Variants in UTRN observed in about 807,000 individuals in gnomAD.
UTRN encodes the protein dystrophin-related protein 1.
Under a neutral mutation model 463.9 loss-of-function variants are expected in UTRN, and 283 were observed. The ratio of observed to expected loss-of-function variants is 0.61; its 90% CI spans 0.55 to 0.67. UTRN has a LOEUF of 0.67. Among genes scored for constraint, UTRN ranks in the 30% least tolerant of loss-of-function variants. The probability of loss-of-function intolerance (pLI) is 0.00; values close to 1 mark genes in which losing one functional copy is unlikely to be tolerated. For missense variants in UTRN, 3,922 were observed against 4,084.3 expected (o/e 0.96, Z 1.08); for synonymous variants, 1,442 against 1,431.5 (o/e 1.01, Z -0.17).
In UTRN at chr6:144,482,411, G is replaced by GTTGTTATTATTATTA. The variant is rs780469923; in HGVS notation, c.3687+25_3687+26insGTTATTATTATTATT. On this transcript the variant is annotated intron_variant, in intron 27 of 74. Transcript: ENST00000367545. The stretch of plus-strand genomic sequence containing the variant: ...GAGGTATGCTATTATTATTATTGTT[G>GTTGTTATTATTATTA]TTATTATTATTATTATTATTATTAT... 307 of 1,002,602 alleles carry GTTGTTATTATTATTA rather than the reference G, an allele frequency of 3.1e-4. 1 individual carries two copies. The African/African-American group carries it at 5.4e-3, about 18-fold the overall frequency. The allele number at this position is 1,002,602 out of a possible 1,614,324, so 62.1% of individuals were successfully genotyped here. A position where few individuals can be genotyped will look rare whatever the true frequency, so the allele number is the denominator to read the frequency against.
intron 62 of UTRN, 62 bp from the exon 63 acceptor site, chr6:144,793,772 T>C: frequency 1.3e-6 from 2 of 1,565,742 alleles, no homozygotes; most frequent in Non-Finnish European, 8.7e-7. Context: ...TTACCAAAGA[T>C]ATATTTTAAG....
intron 53 of UTRN, chr6:144,708,292 T>C: frequency 1.5e-6 from 1 of 664,922 alleles, no homozygotes; most frequent in Non-Finnish European, 2.9e-6. Flanking sequence ...AAGTACTGAT[T>C]CTTTTACAAG....
intron 50 of UTRN, among the ~76,000 whole-genome samples, chr6:144,565,018 G>A (rs879229294): frequency 2.0e-5 from 3 of 152,176 alleles, no homozygotes; most frequent in Admixed American, 6.5e-5. Context: ...GAATAATTGC[G>A]AAGATCAGAA....
chr6:144,398,631 T>A (rs9496952), intron 2 of UTRN: 7,962 of 162,536 alleles, frequency 0.049, 674 homozygotes, highest in African/African-American at 0.18. Context: ...GAACAGCTTG[T>A]GAGAGCATGA....
At chr6:144,591,199 G>T (rs1238225507) in intron 51 of UTRN, among the ~76,000 whole-genome samples, 1 of 152,156 alleles carries the variant, frequency 6.6e-6, no homozygotes, top group Non-Finnish European at 1.5e-5. Context: ...TTTTTCCAAA[G>T]GATTCATGCC....
chr6:144,345,194 G>A (rs549212792), intron 2 of UTRN, among the ~76,000 whole-genome samples: 1 of 152,124 alleles, frequency 6.6e-6, no homozygotes, highest in Non-Finnish European at 1.5e-5. Context: ...TTGTAGCGTT[G>A]TCTCTGCAGA....
intron 2 of UTRN, among the ~76,000 whole-genome samples, chr6:144,374,911 A>C (rs1330740301): frequency 1.4e-5 from 2 of 147,760 alleles, no homozygotes; most frequent in African/African-American, 5.0e-5. Flanking sequence ...GTGCCTCTGC[A>C]CTCCAGCCTG....
rs1482152438 is a variant in UTRN, at chr6:144,820,926, G to T, written c.9402G>T (p.Lys3134Asn). 1 of 1,613,852 alleles carries T rather than the reference G, an allele frequency of 6.2e-7. No homozygotes were observed. Among genetic ancestry groups the T allele is most frequent in the Non-Finnish European group, 8.5e-7 (1 of 1,179,828 alleles). Residue 3134 changes from lysine (K) to asparagine (N), a missense_variant, in exon 66 of 75, where the codon AAG (lysine) becomes AAT (asparagine). Around this residue, in one of 3 missense-constraint regions of UTRN, gnomAD observed 1,309 missense variants for 1,452.6 expected, o/e 0.90. Coordinates refer to ENST00000367545, the MANE Select transcript of UTRN (RefSeq NM_007124.3). ...EDVRDFTKVL[K>N]NKFRSKKYFA... ...TACGAGACTTCACAAAGGTACTTAA[G>T]AACAAGTTCAGGTCGAAGAAGTACT...
intron 52 of UTRN, among the ~76,000 whole-genome samples, chr6:144,683,378 G>A (rs1317523645): frequency 6.6e-6 from 1 of 152,132 alleles, no homozygotes; most frequent in Non-Finnish European, 1.5e-5. Flanking sequence ...TTTCAGGGGT[G>A]GAGAAGAGAC....
intron 54 of UTRN, among the ~76,000 whole-genome samples, chr6:144,739,829 C>T (rs930381107): frequency 1.3e-5 from 2 of 152,054 alleles, no homozygotes; most frequent in African/African-American, 4.8e-5. Flanking sequence ...TGACTTGGCC[C>T]GAGTAACATG....
chr6:144,844,425 C>T (rs1190642340), intron 73 of UTRN, among the ~76,000 whole-genome samples: 4 of 152,166 alleles, frequency 2.6e-5, no homozygotes, highest in East Asian at 1.9e-4. Context: ...CATGCCACCA[C>T]GCCCAACTAA....
chr6:144,321,827 G>A (rs573524671), intron 2 of UTRN, among the ~76,000 whole-genome samples: 16 of 149,866 alleles, frequency 1.1e-4, no homozygotes, highest in Non-Finnish European at 1.8e-4. Flanking sequence ...GTATAGTGGC[G>A]TGATCTCCAC....
At chr6:144,747,360 G>A (rs561637595) in intron 54 of UTRN, among the ~76,000 whole-genome samples, 1 of 152,328 alleles carries the variant, frequency 6.6e-6, no homozygotes, top group Non-Finnish European at 1.5e-5. Flanking sequence ...GGCCCCAGGA[G>A]TGTGGAGCCA....
chr6:144,712,504 C>T (rs1178772379), intron 53 of UTRN, among the ~76,000 whole-genome samples: 2 of 152,196 alleles, frequency 1.3e-5, no homozygotes, highest in African/African-American at 4.8e-5. Flanking sequence ...TTTACTGCCT[C>T]TGCACATATT....
At chr6:144,374,598 C>G (rs184820954) in intron 2 of UTRN, among the ~76,000 whole-genome samples, 1 of 151,656 alleles carries the variant, frequency 6.6e-6, no homozygotes, top group Non-Finnish European at 1.5e-5. Flanking sequence ...ATTCTCTTGC[C>G]TCAGCTCCCA....
chr6:144,637,425 CTATA>C (rs1777295443), intron 51 of UTRN, among the ~76,000 whole-genome samples: 2 of 151,176 alleles, frequency 1.3e-5, no homozygotes, highest in Admixed American at 1.3e-4. Context: ...TTAATATAAA[CTATA>C]TATAAATCTA....
chr6:144,699,843 A>G (rs1303234314), intron 52 of UTRN, among the ~76,000 whole-genome samples: 1 of 148,814 alleles, frequency 6.7e-6, no homozygotes, highest in Non-Finnish European at 1.5e-5. Context: ...GTGTGTATAC[A>G]TATGTATAAA....
intron 2 of UTRN, among the ~76,000 whole-genome samples, chr6:144,401,854 A>C (rs1782963089): frequency 6.6e-6 from 1 of 152,120 alleles, no homozygotes; most frequent in Non-Finnish European, 1.5e-5. Flanking sequence ...CTGACACTGG[A>C]GGGCCAAGCA....
rs367872995 is a variant in UTRN, at chr6:144,736,394, T to G, written c.7939+5908T>G. On this transcript the variant is annotated intron_variant, in intron 54 of 74. Transcript: ENST00000367545. ...ACCAAGATGGAGTCACCTCTTTTCT[T>G]TTAGGTAACCATTCTAGAAAACACT... Among the ~76,000 whole-genome samples the G allele has an allele frequency of 5.9e-5, 9 of 152,226 alleles. No individual in the cohort carries two copies. The East Asian group carries it at 7.7e-4, about 13-fold the overall frequency.
Sources: gnomAD v4.1 joint callset for allele counts (sites outside exome capture counted in the v4.1 genomes callset) on GRCh38, gnomAD v4.1.1 for gene constraint, gnomAD v4.1.1 regional missense constraint, MANE v1.5 for transcripts, NCBI Gene and HGNC (gene_info 2026-07-23, HGNC 2026-07-21) for gene names.